Variants in USH2A observed in about 807,000 individuals in gnomAD.
The protein encoded by USH2A is Usher syndrome 2A (autosomal recessive, mild).
A neutral mutation model predicts 538.9 loss-of-function variants in USH2A; 443 were observed. The observed-to-expected ratio is 0.82, with a 90% CI of 0.76 to 0.89. The LOEUF is 0.89. USH2A is among the 40% of genes least tolerant of loss of function. The probability of loss-of-function intolerance (pLI) is 0.00; values close to 1 mark genes in which losing one functional copy is unlikely to be tolerated. For missense variants in USH2A, 6,633 were observed against 6,324.8 expected (o/e 1.05, Z -1.65); for synonymous variants, 2,413 against 2,273.5 (o/e 1.06, Z -1.75).
chr1:216,321,784 T>C (rs2037614534), intron 9 of USH2A, 99 bp downstream of exon 9: 6 of 1,141,568 alleles, frequency 5.3e-6, no homozygotes, highest in African/African-American at 1.5e-5. Flanking sequence ...AGTTTTTAAA[T>C]TTATTTTCAT....
At chr1:215,935,118 A>C (rs751141006) in intron 37 of USH2A, among the ~76,000 whole-genome samples, 12 of 152,048 alleles carry the variant, frequency 7.9e-5, no homozygotes, top group Non-Finnish European at 1.5e-4. Flanking sequence ...CAAATGTAGA[A>C]ATTGATTACT....
intron 61 of USH2A, among the ~76,000 whole-genome samples, chr1:215,704,151 C>T (rs1659114103): frequency 6.6e-6 from 1 of 152,200 alleles, no homozygotes; most frequent in Non-Finnish European, 1.5e-5. Context: ...ACCCACTGTC[C>T]AACCAGTCCC....
Position 215,636,297 on chromosome 1 carries a change from C to G in USH2A, c.15053-1594G>C, listed in dbSNP as rs146395139. ...GGGGTGAAACTATTAAAGGCAGGAA[C>G]AGATGGTGACTAAAACTAAACTTTG... On this transcript the variant is annotated intron_variant, in intron 69 of 71. Transcript: ENST00000307340. Among the ~76,000 whole-genome samples the G allele has an allele frequency of 1.4e-3, 211 of 152,270 alleles. 2 individuals are homozygous for G. Among genetic ancestry groups the G allele is most frequent in the African/African-American group, 4.9e-3 (204 of 41,554 alleles).
chr1:215,702,070 A>C (rs1374297082), intron 61 of USH2A, among the ~76,000 whole-genome samples: 1 of 151,996 alleles, frequency 6.6e-6, no homozygotes, highest in East Asian at 1.9e-4. Flanking sequence ...TTTCTCCTTC[A>C]CTTTTGAAGC....
intron 21 of USH2A, among the ~76,000 whole-genome samples, chr1:216,132,043 A>C (rs1378846656): frequency 6.6e-6 from 1 of 152,024 alleles, no homozygotes; most frequent in Non-Finnish European, 1.5e-5. Context: ...ATTTGTGTCC[A>C]CATGCTCTTG....
In USH2A at chr1:216,279,471, C is replaced by A. The variant is rs1241253354; in HGVS notation, c.1971+9809G>T. Among the ~76,000 whole-genome samples the A allele has an allele frequency of 3.3e-5, 5 of 152,214 alleles. No homozygotes were observed. In the East Asian group the frequency reaches 9.7e-4, roughly 30 times the overall value. On this transcript the variant is annotated intron_variant, in intron 11 of 71. Coordinates refer to ENST00000307340, the MANE Select transcript of USH2A (RefSeq NM_206933.4). ...ATCTACATTCAGCTTCTTTGGTCTA[C>A]ATATCTTTGATATACAGTGTTCTAA... is the stretch of plus-strand genomic sequence containing the variant.
At chr1:216,291,835 T>C (rs1375152924) in intron 10 of USH2A, among the ~76,000 whole-genome samples, 1 of 152,210 alleles carries the variant, frequency 6.6e-6, no homozygotes, top group Non-Finnish European at 1.5e-5. Context: ...GGAAACTTAC[T>C]TTAAGGATAT....
At chr1:215,866,342 A>G (rs78094439) in intron 44 of USH2A, among the ~76,000 whole-genome samples, 5,484 of 152,254 alleles carry the variant, frequency 0.036, 121 homozygotes, top group African/African-American at 0.041. Flanking sequence ...CTAACGTTGC[A>G]GGAACAGATT....
chr1:215,987,794 G>T (rs1018106482), intron 35 of USH2A, among the ~76,000 whole-genome samples: 1 of 152,152 alleles, frequency 6.6e-6, no homozygotes, highest in African/African-American at 2.4e-5. Context: ...ATGAGGTCAC[G>T]TTCCACTGAA....
intron 64 of USH2A, among the ~76,000 whole-genome samples, chr1:215,665,955 T>TC (rs1450246026): frequency 2.6e-5 from 4 of 152,246 alleles, no homozygotes; most frequent in African/African-American, 9.7e-5. Context: ...AAGTTGCATT[T>TC]GAAATTCACA....
chr1:216,168,640 G>A (rs981206508), intron 21 of USH2A, among the ~76,000 whole-genome samples: 4 of 152,090 alleles, frequency 2.6e-5, no homozygotes, highest in Non-Finnish European at 5.9e-5. Flanking sequence ...TACAAGATAA[G>A]GAATGATGGT....
At chr1:216,043,336 T>C (rs2030370912) in intron 32 of USH2A, among the ~76,000 whole-genome samples, 1 of 152,064 alleles carries the variant, frequency 6.6e-6, no homozygotes, top group Non-Finnish European at 1.5e-5. Context: ...TTGACCAGCA[T>C]TGCAGTCCCA....
At chr1:216,323,415 T>C in intron 8 of USH2A, 59 bp downstream of exon 8, 1 of 1,529,686 alleles carries the variant, frequency 6.5e-7, no homozygotes, top group South Asian at 1.1e-5. Context: ...CATCTTAATG[T>C]GCTGTTAAGA....
intron 21 of USH2A, among the ~76,000 whole-genome samples, chr1:216,117,257 C>G (rs1441685227): frequency 6.6e-6 from 1 of 152,082 alleles, no homozygotes; most frequent in Non-Finnish European, 1.5e-5. Context: ...TCATTATGGT[C>G]AGACTGCAAT....
intron 3 of USH2A, among the ~76,000 whole-genome samples, chr1:216,375,903 G>A (rs1461876204): frequency 2.0e-5 from 3 of 152,082 alleles, no homozygotes; most frequent in Non-Finnish European, 4.4e-5. Context: ...GGAACAGGGA[G>A]GCCCAAGGAG....
chr1:215,678,758 T>C (rs1658120946), intron 62 of USH2A, among the ~76,000 whole-genome samples: 2 of 152,148 alleles, frequency 1.3e-5, no homozygotes, highest in Admixed American at 6.6e-5. Context: ...ACACGGTCTG[T>C]AACATCAGGG....
chr1:215,785,171 G>C (rs145177696), intron 52 of USH2A, among the ~76,000 whole-genome samples: 31 of 152,290 alleles, frequency 2.0e-4, no homozygotes, highest in African/African-American at 7.5e-4. Flanking sequence ...TAATAGAAGA[G>C]CTGGAACAAG....
At chr1:216,363,093 T>C (rs902174925) in intron 4 of USH2A, among the ~76,000 whole-genome samples, 9 of 152,072 alleles carry the variant, frequency 5.9e-5, no homozygotes, top group East Asian at 5.8e-4. Context: ...GTTAATTATA[T>C]GTTAATATTA....
At chr1:215,741,319 G>T (rs374379213) in intron 60 of USH2A, 56 bp downstream of exon 60, 2 of 1,568,362 alleles carry the variant, frequency 1.3e-6, no homozygotes, top group Non-Finnish European at 1.8e-6. Context: ...ATTCTGCTGT[G>T]TTGGAGCAGT....
Sources: gnomAD v4.1 joint callset for allele counts (sites outside exome capture counted in the v4.1 genomes callset) on GRCh38, gnomAD v4.1.1 for gene constraint, MANE v1.5 for transcripts, NCBI Gene and HGNC (gene_info 2026-07-23, HGNC 2026-07-21) for gene names.